The following TRABD2A variants were observed in gnomAD, a reference collection of about 807,000 sequenced individuals.
TRABD2A encodes TraB domain containing 2A.
A neutral mutation model predicts 45.6 loss-of-function variants in TRABD2A; 43 were observed. That is an observed-to-expected ratio of 0.94 (90% confidence interval 0.74 to 1.22). TRABD2A has a LOEUF of 1.22. Among genes scored for constraint, TRABD2A ranks in the 50% most tolerant of loss-of-function variants. TRABD2A has a pLI of 0.00. For synonymous variants in TRABD2A, 269 were observed against 265.0 expected (o/e 1.02, Z -0.15); for missense variants, 642 against 652.4 (o/e 0.98, Z 0.17).
intron 4 of TRABD2A, chr2:84,832,818 G>A (rs369359750): frequency 2.8e-5 from 4 of 142,930 alleles, no homozygotes; most frequent in South Asian, 2.1e-4. Context: ...AAAAAAGGAG[G>A]GGGGGGAATT....
At chr2:84,862,792 A>G (rs1468837400) in intron 2 of TRABD2A, among the ~76,000 whole-genome samples, 2 of 152,204 alleles carry the variant, frequency 1.3e-5, no homozygotes, top group Non-Finnish European at 2.9e-5. Context: ...AGACAGCTCA[A>G]GTCCTGAGCA....
At chr2:84,841,100 G>C (rs1681696065) in intron 3 of TRABD2A, among the ~76,000 whole-genome samples, 1 of 152,162 alleles carries the variant, frequency 6.6e-6, no homozygotes, top group Non-Finnish European at 1.5e-5. Flanking sequence ...CTGGGTGGGG[G>C]AAACAACACA....
intron 4 of TRABD2A, 53 bp downstream of exon 4, chr2:84,839,096 C>T (rs1201284928): frequency 1.2e-6 from 2 of 1,601,416 alleles, no homozygotes; most frequent in African/African-American, 1.3e-5. Context: ...ACATTCCCTT[C>T]TTGGGAGAAG....
At chr2:84,843,812 TAC>T (rs1681793450) in intron 2 of TRABD2A, 2 of 152,244 alleles carry the variant, frequency 1.3e-5, no homozygotes, top group Admixed American at 1.3e-4. Flanking sequence ...CACCTTTTAA[TAC>T]CATCACACTA....
chr2:84,838,292 C>A, intron 4 of TRABD2A: 2 of 714,810 alleles, frequency 2.8e-6, no homozygotes, highest in South Asian at 3.0e-5. Flanking sequence ...ACAAAGCCCA[C>A]TGCTTCTATC....
At chr2:84,876,799 C>T (rs527467951) in intron 1 of TRABD2A, among the ~76,000 whole-genome samples, 1 of 152,302 alleles carries the variant, frequency 6.6e-6, no homozygotes, top group South Asian at 2.1e-4. Flanking sequence ...CTCATCTTCC[C>T]GATCCCAGAT....
At chr2:84,869,046 C>T (rs919809373) in intron 2 of TRABD2A, among the ~76,000 whole-genome samples, 6 of 152,142 alleles carry the variant, frequency 3.9e-5, no homozygotes, top group Non-Finnish European at 5.9e-5. Context: ...AGAATAGCAT[C>T]GGATTACTTA....
intron 3 of TRABD2A, among the ~76,000 whole-genome samples, chr2:84,840,638 C>T (rs544391111): frequency 2.0e-5 from 3 of 152,306 alleles, no homozygotes; most frequent in Admixed American, 1.3e-4. Context: ...CCAAATCCTC[C>T]GCCCACATTA....
At chr2:84,863,758 C>G (rs924584165) in intron 2 of TRABD2A, among the ~76,000 whole-genome samples, 3 of 151,662 alleles carry the variant, frequency 2.0e-5, no homozygotes, top group African/African-American at 4.8e-5. Context: ...ACAACAGGCG[C>G]CCGCCACCAC....
chr2:84,832,019 A>T, intron 5 of TRABD2A, 36 bp downstream of exon 5: 1 of 1,610,924 alleles, frequency 6.2e-7, no homozygotes, highest in Non-Finnish European at 8.5e-7. Context: ...TGAGGGTCTC[A>T]GCTCCCCAGC....
At chr2:84,851,154 C>G (rs1353758040) in intron 2 of TRABD2A, 2 of 152,174 alleles carry the variant, frequency 1.3e-5, no homozygotes, top group African/African-American at 4.8e-5. Context: ...CATTGGAGGC[C>G]ACTAGTGGAG....
intron 3 of TRABD2A, 50 bp from the exon 4 acceptor site, chr2:84,839,373 C>T (rs902897730): frequency 1.3e-6 from 2 of 1,517,734 alleles, no homozygotes; most frequent in African/African-American, 2.8e-5. Context: ...GAGTTATTAA[C>T]AAAGTTACTT....
chr2:84,822,595 C>G (rs1681030338), intron 6 of TRABD2A, among the ~76,000 whole-genome samples: 2 of 152,162 alleles, frequency 1.3e-5, no homozygotes, highest in Non-Finnish European at 2.9e-5. Flanking sequence ...CAGGCTTACC[C>G]AGATCTTTCA....
chr2:84,843,962 A>T (rs1167763609), intron 2 of TRABD2A: 2 of 151,810 alleles, frequency 1.3e-5, no homozygotes, highest in African/African-American at 2.4e-5. Context: ...TCTCTGTAAA[A>T]CCCCTCCATC....
intron 5 of TRABD2A, among the ~76,000 whole-genome samples, chr2:84,827,785 A>G (rs1033003839): frequency 6.6e-6 from 1 of 152,190 alleles, no homozygotes; most frequent in African/African-American, 2.4e-5. Context: ...GGATATGACT[A>G]TGGAAGAATG....
chr2:84,856,887 A>G (rs572135691), intron 2 of TRABD2A, among the ~76,000 whole-genome samples: 2 of 152,260 alleles, frequency 1.3e-5, no homozygotes, highest in East Asian at 1.9e-4. Context: ...ATGTCACCAT[A>G]TTTGGAGAAA....
intron 5 of TRABD2A, among the ~76,000 whole-genome samples, chr2:84,824,839 G>A (rs1044353360): frequency 2.6e-5 from 4 of 152,082 alleles, no homozygotes; most frequent in Non-Finnish European, 5.9e-5. Flanking sequence ...AGGCTCTCAG[G>A]GCTGTCTTCT....
At chr2:84,831,561 C>G (rs1681338680) in intron 5 of TRABD2A, among the ~76,000 whole-genome samples, 1 of 151,896 alleles carries the variant, frequency 6.6e-6, no homozygotes, top group African/African-American at 2.4e-5. Context: ...AGAAATAAAC[C>G]TAGGGAGGAG....
At chr2:84,868,537 T>TTAACTAAC (rs201463909) in intron 2 of TRABD2A, among the ~76,000 whole-genome samples, 2,386 of 151,950 alleles carry the variant, frequency 0.016, 55 homozygotes, top group African/African-American at 0.055. Flanking sequence ...AACTAGTTAA[T>TTAACTAAC]TAGTTAATTA....
Sources: allele counts gnomAD v4.1 joint callset (sites outside exome capture counted in the v4.1 genomes callset), GRCh38; gene constraint gnomAD v4.1.1; transcripts MANE v1.5; gene names NCBI Gene and HGNC (gene_info 2026-07-23, HGNC 2026-07-21).